GEMIN2: variants seen among roughly 807,000 people sequenced by gnomAD.
GEMIN2 encodes gem-associated protein 2.
In GEMIN2, 37 loss-of-function variants were observed where a neutral mutation model predicts 45.8. The ratio of observed to expected loss-of-function variants is 0.81; its 90% CI spans 0.62 to 1.06. The LOEUF (loss-of-function observed/expected upper bound fraction) is 1.06, where lower values mean the gene tolerates loss of function less well. Among genes scored for constraint, GEMIN2 ranks in the 50% least tolerant of loss-of-function variants. GEMIN2 has a pLI of 0.00. For missense variants in GEMIN2, 335 were observed against 321.8 expected, an observed-to-expected ratio of 1.04 and a Z score of -0.31; for synonymous variants, 101 against 111.5, an observed-to-expected ratio of 0.91 and a Z score of 0.60.
At chr14:39,130,756 A>G (rs1412409299) in intron 7 of GEMIN2, among the ~76,000 whole-genome samples, 3 of 151,752 alleles carry the variant, frequency 2.0e-5, no homozygotes, top group Non-Finnish European at 4.4e-5. Flanking sequence ...TTAGCTGAGC[A>G]TGGTGGCGGG....
At position 39,136,478 on chromosome 14, in the gene GEMIN2, GA is replaced by G; in HGVS notation, c.810del (p.Ter270CysfsTer49). On this transcript the variant is annotated frameshift_variant and stop_lost, in exon 10 of 10. Transcript: ENST00000308317. LOFTEE classifies it high-confidence loss of function. ...DQRDLADEPS* is the reference protein window; with the variant it reads ...DQRDLADEPSX ...CGTGATTTAGCTGATGAGCCATCTT[GA>G]TGTAGCTGATCTCTCAGGGATAGAA... 3.8e-6 allele frequency: 6 copies of G among 1,597,888 alleles called. No individual in the cohort carries two copies. The highest frequency in any genetic ancestry group is 5.1e-6 in the Non-Finnish European group (6 of 1,166,832).
chr14:39,129,740 A>ATG (rs1456532750), intron 7 of GEMIN2, among the ~76,000 whole-genome samples: 6 of 151,188 alleles, frequency 4.0e-5, no homozygotes, highest in African/African-American at 1.2e-4. Context: ...TTATATTTGT[A>ATG]TATGTGTGTG....
chr14:39,130,781 G>A (rs2052705793), intron 7 of GEMIN2, among the ~76,000 whole-genome samples: 1 of 151,884 alleles, frequency 6.6e-6, no homozygotes, highest in Non-Finnish European at 1.5e-5. Flanking sequence ...TGTTGTCCCA[G>A]CTACTCAGGA....
At chr14:39,117,421 A>G (rs1350128239) in intron 2 of GEMIN2, among the ~76,000 whole-genome samples, 7 of 152,216 alleles carry the variant, frequency 4.6e-5, no homozygotes, top group Admixed American at 4.6e-4. Context: ...TAATAATTGT[A>G]CATATTTATG....
intron 8 of GEMIN2, among the ~76,000 whole-genome samples, chr14:39,133,123 AATATATATTATATATATTC>A (rs2052741510): frequency 6.9e-6 from 1 of 145,346 alleles, no homozygotes; most frequent in African/African-American, 2.5e-5. Flanking sequence ...TACAGTGATT[AATATATATTATATATATTC>A]ATATATATTC....
intron 6 of GEMIN2, among the ~76,000 whole-genome samples, chr14:39,126,751 T>G (rs1005067905): frequency 3.9e-4 from 56 of 143,950 alleles, no homozygotes; most frequent in Non-Finnish European, 7.1e-4. Flanking sequence ...AAACTGATGG[T>G]TTTTTTGTTT....
intron 4 of GEMIN2, among the ~76,000 whole-genome samples, chr14:39,121,128 T>A (rs2052567841): frequency 6.6e-6 from 1 of 151,946 alleles, no homozygotes; most frequent in South Asian, 2.1e-4. Flanking sequence ...ATATCCTTCA[T>A]TCTATTAAGT....
chr14:39,120,100 A>C (rs2052556993), intron 4 of GEMIN2, among the ~76,000 whole-genome samples: 2 of 152,224 alleles, frequency 1.3e-5, no homozygotes, highest in South Asian at 4.1e-4. Context: ...TGACTTGATA[A>C]AATTTTGTCA....
intron 7 of GEMIN2, chr14:39,131,664 TGTA>T: frequency 3.7e-6 from 1 of 273,206 alleles, no homozygotes; most frequent in Non-Finnish European, 6.7e-6. Context: ...TTCATCTTAA[TGTA>T]GTGTTCTGCT....
chr14:39,126,632 G>T (rs2052644027), intron 6 of GEMIN2, among the ~76,000 whole-genome samples: 1 of 152,154 alleles, frequency 6.6e-6, no homozygotes, highest in Non-Finnish European at 1.5e-5. Flanking sequence ...ATAAACCAGA[G>T]ATTATTTTCA....
At chr14:39,135,224 A>T (rs911005138) in intron 9 of GEMIN2, among the ~76,000 whole-genome samples, 2 of 152,226 alleles carry the variant, frequency 1.3e-5, no homozygotes, top group African/African-American at 4.8e-5. Flanking sequence ...AAAATGGAAA[A>T]AGTTCTAGAC....
At chr14:39,124,950 A>AC (rs2052621393) in intron 5 of GEMIN2, 42 bp from the exon 6 acceptor site, 1 of 1,030,942 alleles carries the variant, frequency 9.7e-7, no homozygotes, top group African/African-American at 1.6e-5. Flanking sequence ...AATGAAGCTT[A>AC]TAATACCATT....
In GEMIN2 at chr14:39,134,661, G is replaced by A. The variant is rs542163178; in HGVS notation, c.770+942G>A. On this transcript the variant is annotated intron_variant, in intron 9 of 9. Coordinates refer to ENST00000308317, the MANE Select transcript of GEMIN2 (RefSeq NM_003616.3). ...ACATTTACTGGGCAATTTGTGCCAA[G>A]CATTTTTCTTAGTGAGGAACCCATT... is the stretch of plus-strand genomic sequence containing the variant. 2.0e-5 allele frequency among the ~76,000 whole-genome samples: 3 copies of A among 152,262 alleles called. No homozygotes were observed. The East Asian group carries it at 5.8e-4, about 29-fold the overall frequency.
At chr14:39,121,307 GAATT>G (rs2052569846) in intron 4 of GEMIN2, among the ~76,000 whole-genome samples, 1 of 152,150 alleles carries the variant, frequency 6.6e-6, no homozygotes, top group Non-Finnish European at 1.5e-5. Context: ...CAAAGCAGAA[GAATT>G]GCTTGAGGCC....
At chr14:39,133,805 T>C in intron 9 of GEMIN2, 86 bp downstream of exon 9, 1 of 790,446 alleles carries the variant, frequency 1.3e-6, no homozygotes, top group Admixed American at 2.7e-5. Flanking sequence ...TTTTGTTTGG[T>C]TGGTTTTTTT....
chr14:39,114,527 G>T lies in GEMIN2; in HGVS notation c.137+52G>T, dbSNP rs45469795. On this transcript the variant is annotated intron_variant, in intron 1 of 9. Transcript: ENST00000308317. The stretch of plus-strand genomic sequence containing the variant: ...GGCTGGTCTTCTGCCCTGCCCCTGG[G>T]TACAGCCCTCGGTGCTCTATTCCCG... The T allele has an allele frequency of 0.071, 96,839 of 1,367,982 alleles. 3,735 individuals carry two copies. Among genetic ancestry groups the T allele is most frequent in the African/African-American group, 0.11 (7,573 of 70,002 alleles). 84.7% of individuals were successfully genotyped at this position (1,367,982 alleles called of 1,614,324 possible). A position where few individuals can be genotyped will look rare whatever the true frequency, so the allele number is the denominator to read the frequency against.
rs546041076 is a variant in GEMIN2 at position 39,128,266 on chromosome 14, C to CTT, written c.532-4_532-3dup. 597 of 1,145,384 alleles carry CTT rather than the reference C, an allele frequency of 5.2e-4. No individual in the cohort carries two copies. The highest frequency in any genetic ancestry group is 6.6e-4 in the Admixed American group (29 of 43,958). 71.0% of individuals were successfully genotyped at this position (1,145,384 alleles called of 1,614,324 possible). ...TTAATACAACTCTTCTCCACCCCCTCTTTTTTTTTTTAGGCAACAGTAACT... is the reference window on the plus strand; with the variant it reads ...TTAATACAACTCTTCTCCACCCCCTCTTTTTTTTTTTTTAGGCAACAGTAACT... On this transcript the variant is annotated splice_polypyrimidine_tract_variant and intron_variant, in intron 6 of 9. Coordinates refer to ENST00000308317, the MANE Select transcript of GEMIN2 (RefSeq NM_003616.3).
At chr14:39,121,946 T>C in intron 4 of GEMIN2, 1 of 180,114 alleles carries the variant, frequency 5.6e-6, no homozygotes, top group South Asian at 1.1e-4. Context: ...GGTCTTGAAC[T>C]CCTGACTTCA....
Position 39,114,868 on chromosome 14 carries a change from A to T in GEMIN2, c.177A>T (p.Gln59His). The T allele has an allele frequency of 6.3e-7, 1 of 1,583,562 alleles. No homozygotes were observed. Among genetic ancestry groups the T allele is most frequent in the Non-Finnish European group, 8.7e-7 (1 of 1,152,094 alleles). Residue 59 changes from glutamine (Q) to histidine (H), a missense_variant, in exon 2 of 10, where the codon CAA becomes CAT. Coordinates refer to ENST00000308317, the MANE Select transcript of GEMIN2 (RefSeq NM_003616.3). ...AATGTCCAGATGTTGTGGTAGCTCA[A>T]ATTGACCCAAAGAAGTTGAAAAGGA... is the stretch of plus-strand genomic sequence containing the variant. The part of the protein sequence containing the change: ...AAQCPDVVVA[Q>H]IDPKKLKRKQ...
Sources: gnomAD v4.1 joint callset for allele counts (sites outside exome capture counted in the v4.1 genomes callset) on GRCh38, gnomAD v4.1.1 for gene constraint, MANE v1.5 for transcripts, NCBI Gene and HGNC (gene_info 2026-07-23, HGNC 2026-07-21) for gene names.